The following PANK3 variants were observed in gnomAD, a reference collection of about 807,000 sequenced individuals.
PANK3 encodes the protein hPanK3.
A neutral mutation model predicts 39.4 loss-of-function variants in PANK3; 20 were observed. That is an observed-to-expected ratio of 0.51 (90% CI 0.36 to 0.74). PANK3 has a LOEUF of 0.74. Among genes scored for constraint, PANK3 ranks in the 30% least tolerant of loss-of-function variants. PANK3 has a pLI of 0.00. For missense variants in PANK3, 265 were observed against 437.0 expected (o/e 0.61, Z 3.51); for synonymous variants, 140 against 157.3 (o/e 0.89, Z 0.82).
chr5:168,565,009 T>A (rs529130224), intron 3 of PANK3, among the ~76,000 whole-genome samples: 3 of 152,354 alleles, frequency 2.0e-5, no homozygotes, highest in African/African-American at 7.2e-5. Context: ...TCTAGCAAGT[T>A]CTACCCCTGA....
At chr5:168,564,814 A>G (rs1348617567) in intron 3 of PANK3, among the ~76,000 whole-genome samples, 1 of 152,194 alleles carries the variant, frequency 6.6e-6, no homozygotes, top group African/African-American at 2.4e-5. Context: ...AAATCAATTC[A>G]ATATGATACA....
chr5:168,576,230 A>G (rs904791037), intron 1 of PANK3, among the ~76,000 whole-genome samples: 1 of 152,174 alleles, frequency 6.6e-6, no homozygotes, highest in Admixed American at 6.5e-5. Context: ...CACAGACACA[A>G]ACTACAAATA....
intron 1 of PANK3, among the ~76,000 whole-genome samples, chr5:168,571,112 C>T (rs1759623276): frequency 6.6e-6 from 1 of 152,152 alleles, no homozygotes; most frequent in South Asian, 2.1e-4. Flanking sequence ...TTGAAAATGA[C>T]TGGCTTTGGT....
chr5:168,576,614 T>C (rs1230243442), intron 1 of PANK3, among the ~76,000 whole-genome samples: 1 of 152,178 alleles, frequency 6.6e-6, no homozygotes, highest in Non-Finnish European at 1.5e-5. Context: ...TGTTAAGATA[T>C]TGGTAATGTA....
Position 168,554,976 on chromosome 5 carries a change from C to G in PANK3, c.*2595G>C, listed in dbSNP as rs1343208368. On this transcript the variant is annotated 3_prime_UTR_variant, in exon 7 of 7. Coordinates refer to ENST00000239231, the MANE Select transcript of PANK3 (RefSeq NM_024594.4). Reference sequence around the variant, plus strand: ...CTGCTAGAGTGAGCAACCATCTCACCACTGTGGCTCTTTAGCTTTTCCCAT... The same window carrying G: ...CTGCTAGAGTGAGCAACCATCTCACGACTGTGGCTCTTTAGCTTTTCCCAT... 1.3e-5 allele frequency: 2 copies of G among 152,188 alleles called. No individual in the cohort carries two copies. Among genetic ancestry groups the G allele is most frequent in the Non-Finnish European group, 2.9e-5 (2 of 68,026 alleles). 9.4% of individuals were successfully genotyped at this position (152,188 alleles called of 1,614,324 possible).
At chr5:168,557,966 T>A (rs111334356) in intron 6 of PANK3, among the ~76,000 whole-genome samples, 7 of 152,104 alleles carry the variant, frequency 4.6e-5, no homozygotes, top group Admixed American at 2.6e-4. Context: ...ATTCTAAAAG[T>A]GTGGCCTTTA....
chr5:168,566,498 C>A (rs1430931176), intron 2 of PANK3, among the ~76,000 whole-genome samples: 1 of 152,142 alleles, frequency 6.6e-6, no homozygotes, highest in African/African-American at 2.4e-5. Context: ...AAGGACCAAA[C>A]TGACATTTAG....
Position 168,568,701 on chromosome 5 carries a change from G to A in PANK3, c.326C>T (p.Thr109Met). Reference protein sequence around the residue: ...GRDKNFSTLQTVLCATGGGAY... With the variant: ...GRDKNFSTLQMVLCATGGGAY... ...ACCACCTCCTGTAGCACATAGCACC[G>A]TCTGCAATGTTGAGAAGTTTTTATC... The change falls in exon 2 of 7, where the codon ACG (threonine) becomes ATG (methionine). Residue 109 changes from threonine to methionine, a missense_variant. Thr to Met is a moderately conservative substitution (Grantham distance 81). This residue lies in a region of PANK3 where 154 missense variants were observed against 256.8 expected (regional missense o/e 0.60). Coordinates refer to ENST00000239231, the MANE Select transcript of PANK3 (RefSeq NM_024594.4). 1.2e-6 allele frequency: 2 copies of A among 1,614,042 alleles called. No individual in the cohort carries two copies. The highest frequency in any genetic ancestry group is 1.7e-6 in the Non-Finnish European group (2 of 1,180,002).
At chr5:168,558,979 G>C (rs1321855371) in intron 6 of PANK3, 53 bp downstream of exon 6, 5 of 1,559,728 alleles carry the variant, frequency 3.2e-6, no homozygotes, top group South Asian at 2.3e-5. Flanking sequence ...GCAAGACCCT[G>C]TCTCTTAAAA....
chr5:168,564,219 A>T (rs1759489031), intron 3 of PANK3, among the ~76,000 whole-genome samples, 154 bp from the exon 4 acceptor site: 1 of 152,238 alleles, frequency 6.6e-6, no homozygotes, highest in South Asian at 2.1e-4. Context: ...AGGCAACAAA[A>T]ATTGTTTAGT....
intron 1 of PANK3, among the ~76,000 whole-genome samples, chr5:168,572,845 C>A (rs920438262): frequency 6.6e-6 from 1 of 151,922 alleles, no homozygotes; most frequent in African/African-American, 2.4e-5. Flanking sequence ...AGATAATGGG[C>A]GGTGTTTCTC....
At chr5:168,562,748 G>T (rs1759466445) in intron 4 of PANK3, among the ~76,000 whole-genome samples, 1 of 152,120 alleles carries the variant, frequency 6.6e-6, no homozygotes, top group Non-Finnish European at 1.5e-5. Flanking sequence ...TTACTATAAA[G>T]ATATCATTTG....
In PANK3 at chr5:168,549,088, C is replaced by A. The variant is rs911839664; in HGVS notation, c.*8483G>T. The A allele has an allele frequency of 3.9e-5, 6 of 152,262 alleles. No homozygotes were observed. The highest frequency in any genetic ancestry group is 1.4e-4 in the African/African-American group (6 of 41,566). 9.4% of individuals were successfully genotyped at this position (152,262 alleles called of 1,614,324 possible). ...CGCCATTCAATTTTAGTTAAAAAATCAGTTTTTTGCTGTAGTTTAAATAAA... is the reference window on the plus strand; with the variant it reads ...CGCCATTCAATTTTAGTTAAAAAATAAGTTTTTTGCTGTAGTTTAAATAAA... On this transcript the variant is annotated 3_prime_UTR_variant, in exon 7 of 7. Transcript: ENST00000239231.
rs1759265710 is a variant in PANK3 at position 168,550,993 on chromosome 5, A to T, written c.*6578T>A. On this transcript the variant is annotated 3_prime_UTR_variant, in exon 7 of 7. Coordinates refer to ENST00000239231, the MANE Select transcript of PANK3 (RefSeq NM_024594.4). ...AACATTTGAATTTTTTGGAAGTGGAAATTAATTATTCAAAATTTAGATATG... is the reference window on the plus strand; with the variant it reads ...AACATTTGAATTTTTTGGAAGTGGATATTAATTATTCAAAATTTAGATATG... 1 of 152,196 alleles carries T rather than the reference A, an allele frequency of 6.6e-6. No individual in the cohort carries two copies. The allele number at this position is 152,196 out of a possible 1,614,324, so 9.4% of individuals were successfully genotyped here.
chr5:168,574,471 G>A (rs1759699897), intron 1 of PANK3, among the ~76,000 whole-genome samples: 1 of 151,926 alleles, frequency 6.6e-6, no homozygotes, highest in African/African-American at 2.4e-5. Flanking sequence ...AGGGCATGAA[G>A]CTCAAACTTT....
At chr5:168,571,202 C>G (rs983603376) in intron 1 of PANK3, among the ~76,000 whole-genome samples, 1 of 152,156 alleles carries the variant, frequency 6.6e-6, no homozygotes, top group African/African-American at 2.4e-5. Flanking sequence ...CTTATACTGA[C>G]ACAAAGGAGT....
chr5:168,568,008 T>C (rs1759563576), intron 2 of PANK3, among the ~76,000 whole-genome samples: 1 of 152,224 alleles, frequency 6.6e-6, no homozygotes, highest in Non-Finnish European at 1.5e-5. Flanking sequence ...GACTAGAAGC[T>C]TGGCAAACCA....
intron 2 of PANK3, among the ~76,000 whole-genome samples, chr5:168,567,420 T>C (rs1249307259): frequency 1.3e-5 from 2 of 152,120 alleles, no homozygotes; most frequent in Non-Finnish European, 2.9e-5. Context: ...AATGATTACA[T>C]TCATCATTTC....
rs1364892563 is a variant in PANK3 at position 168,556,170 on chromosome 5, A to G, written c.*1401T>C. 6.6e-6 allele frequency: 1 copy of G among 152,254 alleles called. No homozygotes were observed. The highest frequency in any genetic ancestry group is 1.5e-5 in the Non-Finnish European group (1 of 68,066). 9.4% of individuals were successfully genotyped at this position (152,254 alleles called of 1,614,324 possible). A position where few individuals can be genotyped will look rare whatever the true frequency, so the allele number is the denominator to read the frequency against. On this transcript the variant is annotated 3_prime_UTR_variant, in exon 7 of 7. Coordinates refer to ENST00000239231, the MANE Select transcript of PANK3 (RefSeq NM_024594.4). ...TTCAGGCAAGGGGAATAGGAAAGAA[A>G]GTGCGAGATAAGAGCATGGTGGCCT...
Sources: gnomAD v4.1 joint callset for allele counts (sites outside exome capture counted in the v4.1 genomes callset) on GRCh38, gnomAD v4.1.1 for gene constraint, gnomAD v4.1.1 regional missense constraint, MANE v1.5 for transcripts, NCBI Gene and HGNC (gene_info 2026-07-23, HGNC 2026-07-21) for gene names.